The following GABBR2 variants were observed in gnomAD, a reference collection of about 807,000 sequenced individuals.
GABBR2 encodes G-protein coupled receptor 51.
GABBR2 carries 23 observed loss-of-function variants against 105.6 expected under a neutral mutation model. That is an observed-to-expected ratio of 0.22 (90% CI 0.16 to 0.31). The LOEUF (loss-of-function observed/expected upper bound fraction) is 0.31, where lower values mean the gene tolerates loss of function less well. Ranked by LOEUF, GABBR2 falls within the 10% of genes least tolerant of loss-of-function variation. The probability of loss-of-function intolerance (pLI) is 1.00; values close to 1 mark genes in which losing one functional copy is unlikely to be tolerated. For missense variants in GABBR2, 734 were observed against 1,245.5 expected, an observed-to-expected ratio of 0.59 and a Z score of 6.18; for synonymous variants, 478 against 499.7, an observed-to-expected ratio of 0.96 and a Z score of 0.58.
chr9:98,303,523 G>T (rs1588089664), intron 15 of GABBR2, 100 bp from the exon 16 acceptor site: 1 of 1,046,566 alleles, frequency 9.6e-7, no homozygotes, highest in Non-Finnish European at 1.4e-6. Context: ...CTCTGGAGGC[G>T]ATAAGAGGCC....
At chr9:98,600,046 T>A (rs1286678378) in intron 1 of GABBR2, among the ~76,000 whole-genome samples, 1 of 152,122 alleles carries the variant, frequency 6.6e-6, no homozygotes, top group Non-Finnish European at 1.5e-5. Flanking sequence ...GATGGGCTCA[T>A]GGAGGCAGCT....
rs201270731 is a variant in GABBR2 at position 98,465,199 on chromosome 9, GA to G, written c.999+7946del. ...TAAATAAACAATCAATACGTGATGT[GA>G]AAAAAAAAGTTTAGAAACAGAACCA... is the stretch of plus-strand genomic sequence containing the variant. On this transcript the variant is annotated intron_variant, in intron 6 of 18. Transcript: ENST00000259455. Among the ~76,000 whole-genome samples the G allele has an allele frequency of 4.9e-5, 7 of 141,534 alleles. No homozygotes were observed. The East Asian group carries it at 6.3e-4, about 13-fold the overall frequency. 92.9% of individuals were successfully genotyped at this position (141,534 alleles called of 152,430 possible). A position where few individuals can be genotyped will look rare whatever the true frequency, so the allele number is the denominator to read the frequency against.
chr9:98,541,641 A>G (rs1390014630), intron 3 of GABBR2, among the ~76,000 whole-genome samples: 1 of 152,246 alleles, frequency 6.6e-6, no homozygotes, highest in Non-Finnish European at 1.5e-5. Context: ...GCCAATAAAA[A>G]GAATGAAAGG....
chr9:98,293,493 A>G (rs1256100879), intron 18 of GABBR2, among the ~76,000 whole-genome samples: 1 of 152,248 alleles, frequency 6.6e-6, no homozygotes, highest in Non-Finnish European at 1.5e-5. Context: ...AATTTTACAC[A>G]TAACAAAGGC....
At chr9:98,560,782 G>A (rs369577946) in intron 2 of GABBR2, among the ~76,000 whole-genome samples, 2 of 145,348 alleles carry the variant, frequency 1.4e-5, no homozygotes, top group African/African-American at 2.5e-5. Flanking sequence ...ATATAGTAGT[G>A]TATATATATA....
chr9:98,384,846 CAG>C (rs1274675890), intron 11 of GABBR2, among the ~76,000 whole-genome samples: 1 of 151,876 alleles, frequency 6.6e-6, no homozygotes, highest in Non-Finnish European at 1.5e-5. Context: ...AGTACACAAA[CAG>C]ATATACATTA....
At chr9:98,586,163 T>C (rs1207731072) in intron 1 of GABBR2, among the ~76,000 whole-genome samples, 2 of 152,106 alleles carry the variant, frequency 1.3e-5, no homozygotes, top group African/African-American at 4.8e-5. Flanking sequence ...ACAGACAGTA[T>C]ATCCAGCATC....
At chr9:98,346,510 T>C (rs1410939030) in intron 13 of GABBR2, among the ~76,000 whole-genome samples, 1 of 152,250 alleles carries the variant, frequency 6.6e-6, no homozygotes, top group Non-Finnish European at 1.5e-5. Flanking sequence ...ATAAAATGTG[T>C]AATAATGAAA....
At chr9:98,669,140 C>T (rs1454876301) in intron 1 of GABBR2, among the ~76,000 whole-genome samples, 1 of 152,152 alleles carries the variant, frequency 6.6e-6, no homozygotes, top group East Asian at 1.9e-4. Flanking sequence ...TCCATGGTGG[C>T]TGTACCATTT....
intron 13 of GABBR2, among the ~76,000 whole-genome samples, chr9:98,342,658 G>A (rs1171090779): frequency 6.6e-6 from 1 of 152,156 alleles, no homozygotes; most frequent in East Asian, 1.9e-4. Flanking sequence ...AGGGCACCAT[G>A]GATAACTATG....
intron 7 of GABBR2, among the ~76,000 whole-genome samples, chr9:98,432,105 A>G (rs1202605746): frequency 1.3e-5 from 2 of 152,204 alleles, no homozygotes; most frequent in Non-Finnish European, 2.9e-5. Context: ...CATGTTGGCC[A>G]GGCTAGTTTT....
chr9:98,664,400 T>C (rs1222816025), intron 1 of GABBR2, among the ~76,000 whole-genome samples: 2 of 152,210 alleles, frequency 1.3e-5, no homozygotes, highest in South Asian at 2.1e-4. Context: ...TCAATTACAC[T>C]GCTCTCCCAG....
At chr9:98,318,205 G>A (rs577290137) in intron 13 of GABBR2, among the ~76,000 whole-genome samples, 18 of 152,168 alleles carry the variant, frequency 1.2e-4, no homozygotes, top group Non-Finnish European at 2.4e-4. Flanking sequence ...GCAGATTCAG[G>A]TGCGCGGTCC....
At chr9:98,585,384 C>T (rs376493536) in intron 1 of GABBR2, among the ~76,000 whole-genome samples, 88 of 150,368 alleles carry the variant, frequency 5.9e-4, no homozygotes, top group African/African-American at 1.7e-3. Context: ...AGCAAACTAT[C>T]GCAAGGACAA....
At chr9:98,439,096 C>T (rs933090154) in intron 7 of GABBR2, among the ~76,000 whole-genome samples, 11 of 151,886 alleles carry the variant, frequency 7.2e-5, no homozygotes, top group African/African-American at 2.7e-4. Context: ...TAAATATCTG[C>T]CTTAAAAAAA....
At position 98,537,610 on chromosome 9, in the gene GABBR2, T is replaced by A. The variant is rs77338917; in HGVS notation, c.630+4263A>T. Among the ~76,000 whole-genome samples the A allele has an allele frequency of 4.0e-3, 613 of 151,720 alleles. 13 individuals are homozygous for A. The East Asian group carries it at 0.048, about 12-fold the overall frequency. ...CATCATGCCCAGTTAATTTTTGTAT[T>A]TTTTTTTGTAGAGACAGGGCTTTGT... On this transcript the variant is annotated intron_variant, in intron 3 of 18. Transcript: ENST00000259455.
chr9:98,409,584 A>G (rs73502819), intron 7 of GABBR2, among the ~76,000 whole-genome samples: 7,929 of 152,238 alleles, frequency 0.052, 722 homozygotes, highest in African/African-American at 0.18. Context: ...CCTCCTCCCC[A>G]GCGGCTAGCA....
intron 6 of GABBR2, among the ~76,000 whole-genome samples, chr9:98,470,672 G>A (rs1040580155): frequency 2.6e-5 from 4 of 151,938 alleles, no homozygotes; most frequent in Non-Finnish European, 4.4e-5. Context: ...ACAAAACATC[G>A]GAATTTAAAT....
At chr9:98,432,753 A>G (rs10818923) in intron 7 of GABBR2, among the ~76,000 whole-genome samples, 48,493 of 152,036 alleles carry the variant, frequency 0.32, 8,562 homozygotes, top group East Asian at 0.52. Context: ...CTCTTTGACC[A>G]TGCCAGGCAC....
Sources: gnomAD v4.1 joint callset for allele counts (sites outside exome capture counted in the v4.1 genomes callset) on GRCh38, gnomAD v4.1.1 for gene constraint, MANE v1.5 for transcripts, NCBI Gene and HGNC (gene_info 2026-07-23, HGNC 2026-07-21) for gene names.